The following SENP5 variants were observed in gnomAD, a reference collection of about 807,000 sequenced individuals.
SENP5 encodes sentrin-specific protease 5.
Under a neutral mutation model 74.2 loss-of-function variants are expected in SENP5, and 21 were observed. That is an observed-to-expected ratio of 0.28 (90% CI 0.20 to 0.41). SENP5 has a LOEUF of 0.41. Among genes scored for constraint, SENP5 ranks in the 10% least tolerant of loss-of-function variants. The probability of loss-of-function intolerance (pLI) is 1.00; values close to 1 mark genes in which losing one functional copy is unlikely to be tolerated. For synonymous variants in SENP5, 311 were observed against 312.7 expected, an observed-to-expected ratio of 0.99 and a Z score of 0.06; for missense variants, 717 against 889.1, an observed-to-expected ratio of 0.81 and a Z score of 2.46.
rs2108817967 is a variant in SENP5 at position 196,886,238 on chromosome 3, A to G, written c.1057A>G (p.Thr353Ala). ...AFPDQQNGSA[T>A]NAWDQSSCSS... ...CCCTGACCAACAGAATGGCAGTGCC[A>G]CAAACGCCTGGGACCAGTCATCCTG... is the stretch of plus-strand genomic sequence containing the variant. The change falls in exon 2 of 10, where the codon ACA (threonine) becomes GCA (alanine). Residue 353 changes from threonine (T) to alanine (A), a missense_variant. Around this residue, in one of 4 missense-constraint regions of SENP5, gnomAD observed 567 missense variants for 577.4 expected, o/e 0.98. Transcript: ENST00000323460. 1.2e-6 allele frequency: 2 copies of G among 1,614,194 alleles called. No individual in the cohort carries two copies. Among genetic ancestry groups the G allele is most frequent in the South Asian group, 2.2e-5 (2 of 91,074 alleles).
chr3:196,925,206 T>G (rs1302981469), intron 7 of SENP5, among the ~76,000 whole-genome samples: 3 of 152,140 alleles, frequency 2.0e-5, no homozygotes, highest in Non-Finnish European at 2.9e-5. Context: ...TTGTATTATT[T>G]GTTTAATTAA....
intron 1 of SENP5, among the ~76,000 whole-genome samples, chr3:196,869,977 C>T (rs1295515336): frequency 6.6e-6 from 1 of 151,932 alleles, no homozygotes; most frequent in Non-Finnish European, 1.5e-5. Context: ...GCCTTTCTGC[C>T]TCCTTCATCC....
intron 6 of SENP5, among the ~76,000 whole-genome samples, chr3:196,909,718 A>G (rs189861284): frequency 2.8e-4 from 43 of 152,344 alleles, no homozygotes; most frequent in Non-Finnish European, 5.3e-4. Context: ...GCATCCCTTC[A>G]TTTAAAAACT....
In SENP5 at chr3:196,878,662, G is replaced by A. The variant is rs117101828; in HGVS notation, c.-31-6489G>A. On this transcript the variant is annotated intron_variant, in intron 1 of 9. Coordinates refer to ENST00000323460, the MANE Select transcript of SENP5 (RefSeq NM_152699.5). ...GCCAGAGTACGGTGGCATGATCTCCGCTCACTGCAATCTCCGTCTCTCGGG... is the reference window on the plus strand; with the variant it reads ...GCCAGAGTACGGTGGCATGATCTCCACTCACTGCAATCTCCGTCTCTCGGG... Among the ~76,000 whole-genome samples the A allele has an allele frequency of 2.8e-3, 424 of 152,130 alleles. 12 individuals carry two copies. In the East Asian group the frequency reaches 0.069, roughly 25 times the overall value.
At chr3:196,889,618 G>T (rs1179810886) in intron 2 of SENP5, among the ~76,000 whole-genome samples, 1 of 152,160 alleles carries the variant, frequency 6.6e-6, no homozygotes, top group Non-Finnish European at 1.5e-5. Context: ...GCAGTTTCAG[G>T]TTTAAGAGAA....
chr3:196,901,889 A>G (rs1277315519), intron 5 of SENP5, among the ~76,000 whole-genome samples: 1 of 152,226 alleles, frequency 6.6e-6, no homozygotes, highest in Non-Finnish European at 1.5e-5. Context: ...TGGTTCTCAA[A>G]GCATGGTCCC....
intron 6 of SENP5, among the ~76,000 whole-genome samples, chr3:196,916,328 AAAAC>A (rs373644473): frequency 2.4e-4 from 37 of 152,172 alleles, no homozygotes; most frequent in South Asian, 1.0e-3. Flanking sequence ...ACTGTCTCAA[AAAAC>A]AAACAAACAA....
intron 2 of SENP5, among the ~76,000 whole-genome samples, chr3:196,891,319 T>C (rs537951869): frequency 5.2e-4 from 43 of 82,854 alleles, no homozygotes; most frequent in African/African-American, 1.6e-3. Flanking sequence ...TGTTAATGGG[T>C]ATAGAGTTTC....
intron 6 of SENP5, among the ~76,000 whole-genome samples, chr3:196,912,373 A>G (rs1715168340): frequency 6.6e-6 from 1 of 152,200 alleles, no homozygotes; most frequent in Non-Finnish European, 1.5e-5. Context: ...TTGTACAATA[A>G]GAACACATGG....
At chr3:196,869,290 T>G (rs1397793500) in intron 1 of SENP5, among the ~76,000 whole-genome samples, 2 of 151,780 alleles carry the variant, frequency 1.3e-5, no homozygotes, top group South Asian at 2.1e-4. Flanking sequence ...TGCAACCTCC[T>G]CCTCCCAGGT....
intron 6 of SENP5, among the ~76,000 whole-genome samples, chr3:196,917,988 A>AT: frequency 6.6e-6 from 1 of 152,144 alleles, no homozygotes; most frequent in East Asian, 1.9e-4. Flanking sequence ...TATAATTACA[A>AT]TTTTTTAAGC....
At chr3:196,918,297 ACT>A (rs61197325) in intron 6 of SENP5, among the ~76,000 whole-genome samples, 4,934 of 133,688 alleles carry the variant, frequency 0.037, 294 homozygotes, top group African/African-American at 0.13. Context: ...ACAGAACGAG[ACT>A]CTGTCAAAAA....
chr3:196,914,586 A>AAAAAAAAAAAAAAAATAT, intron 6 of SENP5: 10 of 33,500 alleles, frequency 3.0e-4, no homozygotes, highest in African/African-American at 7.2e-4. Context: ...AAAAAAAAAA[A>AAAAAAAAAAAAAAAATAT]ATATATATAT....
In SENP5 at chr3:196,914,586, AATATAT is replaced by A. The variant is rs55692471; in HGVS notation, c.1885-8807_1885-8802del. ...CTTTAAAAAAAAAAAAAAAAAAAAA[AATATAT>A]ATATATATATATATATATATGTCTA... is the stretch of plus-strand genomic sequence containing the variant. On this transcript the variant is annotated intron_variant, in intron 6 of 9. Transcript: ENST00000323460. 1.8e-4 allele frequency: 6 copies of A among 33,502 alleles called. No homozygotes were observed. The East Asian group carries it at 2.4e-3, about 14-fold the overall frequency. 2.1% of individuals were successfully genotyped at this position (33,502 alleles called of 1,614,324 possible).
chr3:196,898,936 G>A (rs1195823581), intron 2 of SENP5, among the ~76,000 whole-genome samples: 3 of 151,908 alleles, frequency 2.0e-5, no homozygotes, highest in South Asian at 2.1e-4. Flanking sequence ...AAAATTAGCC[G>A]GGCGTGGTGG....
intron 1 of SENP5, among the ~76,000 whole-genome samples, chr3:196,881,157 A>C (rs1453810067): frequency 6.6e-6 from 1 of 152,104 alleles, no homozygotes; most frequent in Non-Finnish European, 1.5e-5. Flanking sequence ...CATGTTGCCC[A>C]GAGTGGTCTC....
At chr3:196,872,933 G>T (rs564129649) in intron 1 of SENP5, among the ~76,000 whole-genome samples, 56 of 152,160 alleles carry the variant, frequency 3.7e-4, no homozygotes, top group African/African-American at 1.2e-3. Flanking sequence ...CATGTGGGAG[G>T]ATATTTAAAT....
Position 196,886,147 on chromosome 3 carries a change from T to C in SENP5, c.966T>C (p.His322=). Residue 322 remains histidine, a synonymous_variant, in exon 2 of 10, where the codon CAT becomes CAC. Coordinates refer to ENST00000323460, the MANE Select transcript of SENP5 (RefSeq NM_152699.5). The stretch of plus-strand genomic sequence containing the variant: ...CTGTGGTGAAGGGGACGAACTCTCA[T>C]GTGCCTGATTGCCACACTAAAGGAA... ...SSAVVKGTNS[H]VPDCHTKGSS... 1.2e-6 allele frequency: 2 copies of C among 1,614,220 alleles called. No individual in the cohort carries two copies. Among genetic ancestry groups the C allele is most frequent in the South Asian group, 1.1e-5 (1 of 91,090 alleles).
At position 196,895,506 on chromosome 3, in the gene SENP5, T is replaced by TTA. The variant is rs397824837; in HGVS notation, c.1514-4160_1514-4159insTA. Among the ~76,000 whole-genome samples the TTA allele has an allele frequency of 7.2e-5, 11 of 151,984 alleles. No homozygotes were observed. The East Asian group carries it at 1.7e-3, about 24-fold the overall frequency. ...CGGCCTTACTTTAACTTCTTTTTTT[T>TTA]AAAAAGTTCTTTTTTATTTTTTCAG... On this transcript the variant is annotated intron_variant, in intron 2 of 9. Coordinates refer to ENST00000323460, the MANE Select transcript of SENP5 (RefSeq NM_152699.5).
Sources: gnomAD v4.1 joint callset for allele counts (sites outside exome capture counted in the v4.1 genomes callset) on GRCh38, gnomAD v4.1.1 for gene constraint, gnomAD v4.1.1 regional missense constraint, MANE v1.5 for transcripts, NCBI Gene and HGNC (gene_info 2026-07-23, HGNC 2026-07-21) for gene names.